Variants in PPP1R12C observed in about 807,000 individuals in gnomAD.
The protein encoded by PPP1R12C is protein phosphatase 1 regulatory subunit 12C.
Under a neutral mutation model 95.6 loss-of-function variants are expected in PPP1R12C, and 48 were observed. The ratio of observed to expected loss-of-function variants is 0.50; its 90% CI spans 0.40 to 0.64. The LOEUF (loss-of-function observed/expected upper bound fraction) is 0.64. Ranked by LOEUF, PPP1R12C falls within the 30% of genes least tolerant of loss-of-function variation. The probability of loss-of-function intolerance (pLI) is 0.00; values close to 1 mark genes in which losing one functional copy is unlikely to be tolerated. For synonymous variants in PPP1R12C, 480 were observed against 460.8 expected (o/e 1.04, Z -0.53); for missense variants, 1,057 against 1,083.3 (o/e 0.98, Z 0.34).
Position 55,117,565 on chromosome 19 carries a change from G to A in PPP1R12C, c.-22C>T, listed in dbSNP as rs2085170069. ...ACATCGCACCGCCCGCCCGCCCAGC[G>A]AGCGAGCGAGCGCCGAGCCCCAACC... On this transcript the variant is annotated 5_prime_UTR_variant, in exon 1 of 22. Transcript: ENST00000263433. 2 of 990,428 alleles carry A rather than the reference G, an allele frequency of 2.0e-6. No homozygotes were observed. The highest frequency in any genetic ancestry group is 6.1e-5 in the Admixed American group (1 of 16,278). 61.4% of individuals were successfully genotyped at this position (990,428 alleles called of 1,614,324 possible). A position where few individuals can be genotyped will look rare whatever the true frequency, so the allele number is the denominator to read the frequency against.
intron 19 of PPP1R12C, 86 bp from the exon 20 acceptor site, chr19:55,091,995 C>T (rs1257442459): frequency 6.6e-7 from 1 of 1,519,008 alleles, no homozygotes; most frequent in Admixed American, 1.7e-5. Context: ...GGCACCCGCC[C>T]GCCCACTAGG....
chr19:55,111,252 C>A (rs2085092836), intron 3 of PPP1R12C: 1 of 151,766 alleles, frequency 6.6e-6, no homozygotes, highest in Non-Finnish European at 1.5e-5. Flanking sequence ...ATGCCCGACC[C>A]CGTGAATAGA....
At chr19:55,109,000 C>A (rs917422388) in intron 3 of PPP1R12C, among the ~76,000 whole-genome samples, 1 of 152,224 alleles carries the variant, frequency 6.6e-6, no homozygotes, top group Non-Finnish European at 1.5e-5. Flanking sequence ...CATGTCCCAC[C>A]GCATGGATGG....
At chr19:55,091,580 C>G (rs775636221) in intron 21 of PPP1R12C, 22 bp from the exon 22 acceptor site, 2 of 1,612,156 alleles carry the variant, frequency 1.2e-6, no homozygotes, top group Non-Finnish European at 1.7e-6. Context: ...CAAGGGTCAG[C>G]TGGGCAGCCC....
chr19:55,106,340 C>G (rs2085038424), intron 3 of PPP1R12C, among the ~76,000 whole-genome samples: 1 of 152,192 alleles, frequency 6.6e-6, no homozygotes, highest in African/African-American at 2.4e-5. Flanking sequence ...TCTCGGGCTG[C>G]CCAGGAGTGG....
chr19:55,092,358 G>T (rs1274645979), intron 18 of PPP1R12C, 32 bp from the exon 19 acceptor site: 1 of 1,575,308 alleles, frequency 6.3e-7, no homozygotes, highest in Non-Finnish European at 8.6e-7. Context: ...GTCAGGTGGA[G>T]GATGGGGCGA....
At chr19:55,096,873 C>A (rs1420242937) in intron 6 of PPP1R12C, 2 of 210,240 alleles carry the variant, frequency 9.5e-6, no homozygotes, top group African/African-American at 2.9e-5. Context: ...CCGTCTTCGC[C>A]CCTTCCCCGC....
chr19:55,108,235 TA>T (rs2085059722), intron 3 of PPP1R12C, among the ~76,000 whole-genome samples: 1 of 151,152 alleles, frequency 6.6e-6, no homozygotes, highest in Non-Finnish European at 1.5e-5. Context: ...GCGCCCAGCC[TA>T]AAATTTACCA....
In PPP1R12C at chr19:55,094,397, G is replaced by T; in HGVS notation, c.1631C>A (p.Ser544Tyr). ...GAGACGGGAGCGAGCTTTTCTCTGG[G>T]ATTCCGACTCCTCATCCCGCACAGG... ...QMPVRDEESESQRKARSRLMR... is the reference protein window; with the variant it reads ...QMPVRDEESEYQRKARSRLMR... Residue 544 changes from serine (S) to tyrosine (Y), a missense_variant, in exon 13 of 22, where the codon TCC becomes TAC. Physicochemically the swap from Ser to Tyr is moderately radical, Grantham distance 144. Coordinates refer to ENST00000263433, the MANE Select transcript of PPP1R12C (RefSeq NM_017607.4). The T allele has an allele frequency of 2.5e-6, 4 of 1,613,934 alleles. No homozygotes were observed. The highest frequency in any genetic ancestry group is 3.4e-6 in the Non-Finnish European group (4 of 1,180,022).
At chr19:55,101,289 T>C (rs1166988955) in intron 4 of PPP1R12C, among the ~76,000 whole-genome samples, 3 of 152,160 alleles carry the variant, frequency 2.0e-5, no homozygotes, top group Non-Finnish European at 4.4e-5. Context: ...TAGGTCTGAG[T>C]GTAAACATGT....
chr19:55,095,670 C>G, intron 9 of PPP1R12C, 67 bp from the exon 10 acceptor site: 3 of 1,507,310 alleles, frequency 2.0e-6, no homozygotes, highest in Non-Finnish European at 2.7e-6. Flanking sequence ...AGGGTTAGCC[C>G]CCAAAGGACT....
chr19:55,094,439 AG>A lies in PPP1R12C; in HGVS notation c.1593-5del. 1 of 1,613,580 alleles carries A rather than the reference AG, an allele frequency of 6.2e-7. No individual in the cohort carries two copies. Among genetic ancestry groups the A allele is most frequent in the African/African-American group, 1.3e-5 (1 of 74,976 alleles). On this transcript the variant is annotated splice_polypyrimidine_tract_variant and splice_region_variant and intron_variant, in intron 12 of 21. Coordinates refer to ENST00000263433, the MANE Select transcript of PPP1R12C (RefSeq NM_017607.4). ...CCGCACAGGCATCTGGTAGGACCTG[AG>A]GGAAGGGTCCCAACCTCAGACAGGG... is the stretch of plus-strand genomic sequence containing the variant.
At chr19:55,102,555 T>C (rs750239203) in intron 4 of PPP1R12C, among the ~76,000 whole-genome samples, 19 of 152,156 alleles carry the variant, frequency 1.2e-4, no homozygotes, top group Non-Finnish European at 2.6e-4. Context: ...AATAATCTAG[T>C]CTTAAAATAT....
At chr19:55,095,625 A>G (rs2084902289) in intron 9 of PPP1R12C, 22 bp from the exon 10 acceptor site, 4 of 1,534,890 alleles carry the variant, frequency 2.6e-6, no homozygotes, top group Non-Finnish European at 3.5e-6. Flanking sequence ...AGGAGGTCTC[A>G]GTTAGAGAGA....
intron 3 of PPP1R12C, among the ~76,000 whole-genome samples, chr19:55,107,601 C>A (rs982693459): frequency 8.7e-5 from 13 of 149,628 alleles, no homozygotes; most frequent in African/African-American, 3.2e-4. Flanking sequence ...ATCGCAAGGA[C>A]AGAAAACCAA....
Position 55,092,287 on chromosome 19 carries a change from C to G in PPP1R12C, c.2095G>C (p.Glu699Gln), listed in dbSNP as rs1345909309. The G allele has an allele frequency of 6.2e-7, 1 of 1,600,240 alleles. No individual in the cohort carries two copies. ...ELRRENERLREALTETTLRLA... is the reference protein window; with the variant it reads ...ELRRENERLRQALTETTLRLA... ...CGCAGCGTGGTCTCGGTCAGGGCCTCGCGAAGCCGCTCGTTCTCCCTGCGC... is the reference window on the plus strand; with the variant it reads ...CGCAGCGTGGTCTCGGTCAGGGCCTGGCGAAGCCGCTCGTTCTCCCTGCGC... The change falls in exon 19 of 22, where the codon GAG (glutamate) becomes CAG (glutamine). Residue 699 changes from glutamate (E) to glutamine (Q), a missense_variant. Glu to Gln is a conservative substitution (Grantham distance 29, BLOSUM62 2). Transcript: ENST00000263433.
intron 3 of PPP1R12C, among the ~76,000 whole-genome samples, chr19:55,107,179 C>T (rs1437492151): frequency 6.6e-6 from 1 of 151,964 alleles, no homozygotes; most frequent in African/African-American, 2.4e-5. Context: ...TTTGGGGGGC[C>T]GAGACGGGTG....
intron 11 of PPP1R12C, 22 bp downstream of exon 11, chr19:55,095,269 G>T: frequency 6.4e-7 from 1 of 1,556,514 alleles, no homozygotes; most frequent in Non-Finnish European, 8.7e-7. Flanking sequence ...ACCCCTGAGG[G>T]GCCCAGGCCC....
At chr19:55,104,180 G>GTATATATATATA (rs756594022) in intron 3 of PPP1R12C, among the ~76,000 whole-genome samples, 2 of 72,824 alleles carry the variant, frequency 2.7e-5, no homozygotes, top group African/African-American at 9.2e-5. Context: ...AAAAAAAAAA[G>GTATATATATATA]TATATATATA....
Sources: allele counts gnomAD v4.1 joint callset (sites outside exome capture counted in the v4.1 genomes callset), GRCh38; gene constraint gnomAD v4.1.1; transcripts MANE v1.5; gene names NCBI Gene and HGNC (gene_info 2026-07-23, HGNC 2026-07-21).